TENM4: variants seen among roughly 807,000 people sequenced by gnomAD.
TENM4 encodes teneurin transmembrane protein 4.
A neutral mutation model predicts 243.3 loss-of-function variants in TENM4; 82 were observed. The ratio of observed to expected loss-of-function variants is 0.34; its 90% confidence interval spans 0.28 to 0.40. The LOEUF (loss-of-function observed/expected upper bound fraction) is 0.40. Among genes scored for constraint, TENM4 ranks in the 10% least tolerant of loss-of-function variants. TENM4 has a pLI of 1.00. For missense variants in TENM4, 3,138 were observed against 3,673.3 expected (o/e 0.85, Z 3.77); for synonymous variants, 1,412 against 1,456.3 (o/e 0.97, Z 0.69).
At chr11:78,788,704 A>G (rs1042150995) in intron 15 of TENM4, among the ~76,000 whole-genome samples, 1 of 152,272 alleles carries the variant, frequency 6.6e-6, no homozygotes, top group Non-Finnish European at 1.5e-5. Flanking sequence ...AGGTCAGCAC[A>G]GTGAACTTCA....
intron 1 of TENM4, among the ~76,000 whole-genome samples, chr11:79,405,847 CAAAAA>C (rs763128589): frequency 4.3e-5 from 3 of 69,262 alleles, no homozygotes; most frequent in African/African-American, 1.0e-4. Flanking sequence ...ATTGTGATTT[CAAAAA>C]AAAAAAAAAA....
intron 9 of TENM4, among the ~76,000 whole-genome samples, chr11:78,885,906 C>T (rs1349348894): frequency 3.3e-5 from 5 of 151,394 alleles, no homozygotes; most frequent in Non-Finnish European, 7.4e-5. Flanking sequence ...GCTTGGGTGA[C>T]AGAGTGAGAC....
rs1482567168 is a variant in TENM4 at position 79,064,755 on chromosome 11, T to C, written c.476A>G (p.His159Arg). Reference protein sequence around the residue: ...NSNLTLTDTEHENTETDHPGG... With the variant: ...NSNLTLTDTERENTETDHPGG... ...CCACTCACCAGTCTCAGTGTTTTCATGCTCGGTGTCGGTGAGTGTGAGATT... is the reference window on the plus strand; with the variant it reads ...CCACTCACCAGTCTCAGTGTTTTCACGCTCGGTGTCGGTGAGTGTGAGATT... The change falls in exon 6 of 34, where the codon CAT becomes CGT. Residue 159 changes from histidine to arginine, a missense_variant. Physicochemically the swap from His to Arg is conservative, Grantham distance 29 (BLOSUM62 0). Transcript: ENST00000278550. 2 of 1,551,672 alleles carry C rather than the reference T, an allele frequency of 1.3e-6. No homozygotes were observed. Among genetic ancestry groups the C allele is most frequent in the Admixed American group, 3.9e-5 (2 of 51,006 alleles).
chr11:79,150,736 T>C (rs1640205180), intron 3 of TENM4, among the ~76,000 whole-genome samples: 1 of 152,190 alleles, frequency 6.6e-6, no homozygotes, highest in Admixed American at 6.5e-5. Context: ...TGGTTCTTCT[T>C]TCCCCCCAAG....
In TENM4 at chr11:79,037,496, G is replaced by C. The variant is rs568652350; in HGVS notation, c.493+27242C>G. The stretch of plus-strand genomic sequence containing the variant: ...TGATTGGTTAGTGATCAAATAATGA[G>C]AGCCTAGAAAACAAATTCCTTACAA... On this transcript the variant is annotated intron_variant, in intron 6 of 33. Coordinates refer to ENST00000278550, the MANE Select transcript of TENM4 (RefSeq NM_001098816.3). 2.6e-5 allele frequency among the ~76,000 whole-genome samples: 4 copies of C among 152,294 alleles called. No individual in the cohort carries two copies. In the East Asian group the frequency reaches 5.8e-4, roughly 22 times the overall value.
chr11:79,074,092 CCT>C (rs2137011265), intron 4 of TENM4, among the ~76,000 whole-genome samples: 1 of 152,296 alleles, frequency 6.6e-6, no homozygotes, highest in East Asian at 1.9e-4. Flanking sequence ...GCACAGCTTC[CCT>C]GTCACAAAGC....
intron 6 of TENM4, among the ~76,000 whole-genome samples, chr11:79,007,442 C>T (rs980257213): frequency 2.6e-5 from 4 of 152,116 alleles, no homozygotes; most frequent in Non-Finnish European, 5.9e-5. Flanking sequence ...GGGTGTAGAA[C>T]ACAGGCCTCT....
intron 15 of TENM4, among the ~76,000 whole-genome samples, chr11:78,795,377 T>G (rs1857140720): frequency 6.6e-6 from 1 of 152,186 alleles, no homozygotes; most frequent in Non-Finnish European, 1.5e-5. Flanking sequence ...CACGTAACTG[T>G]TCAAGATTCT....
At position 79,002,925 on chromosome 11, in the gene TENM4, A is replaced by G. The variant is rs116811780; in HGVS notation, c.493+61813T>C. ...AACAGAACAATACAGGAGATGAAAG[A>G]TAAAATGGCCATTTTAAGAAAGAAC... On this transcript the variant is annotated intron_variant, in intron 6 of 33. Coordinates refer to ENST00000278550, the MANE Select transcript of TENM4 (RefSeq NM_001098816.3). 6.7e-3 allele frequency among the ~76,000 whole-genome samples: 1,019 copies of G among 152,330 alleles called. 16 individuals are homozygous for G. The highest frequency in any genetic ancestry group is 0.024 in the African/African-American group (982 of 41,574).
chr11:79,094,658 G>A (rs1861036801), intron 4 of TENM4, among the ~76,000 whole-genome samples: 1 of 152,204 alleles, frequency 6.6e-6, no homozygotes, highest in Admixed American at 6.5e-5. Flanking sequence ...CAGCCTAGGA[G>A]GCTAGGTCAC....
chr11:79,266,223 A>T (rs898016774), intron 2 of TENM4, among the ~76,000 whole-genome samples: 1 of 152,204 alleles, frequency 6.6e-6, no homozygotes, highest in South Asian at 2.1e-4. Context: ...AGATGAATGG[A>T]TAGATCTCAC....
At chr11:79,040,682 G>A (rs1859499864) in intron 6 of TENM4, among the ~76,000 whole-genome samples, 1 of 152,158 alleles carries the variant, frequency 6.6e-6, no homozygotes, top group Non-Finnish European at 1.5e-5. Flanking sequence ...GGAGGATGAT[G>A]CTGCTGCCCC....
chr11:79,338,740 C>T (rs1857193411), intron 1 of TENM4, among the ~76,000 whole-genome samples: 1 of 152,170 alleles, frequency 6.6e-6, no homozygotes, highest in Admixed American at 6.5e-5. Context: ...GCTTGATATT[C>T]CTGAGGCCAA....
intron 1 of TENM4, among the ~76,000 whole-genome samples, chr11:79,405,786 A>G (rs996872936): frequency 2.7e-5 from 4 of 150,462 alleles, no homozygotes; most frequent in Non-Finnish European, 5.9e-5. Flanking sequence ...TGATTTACGC[A>G]TATAAAAATG....
In TENM4 at chr11:78,683,955, GC is replaced by G. The variant is rs200416702; in HGVS notation, c.5260+4098del. On this transcript the variant is annotated intron_variant, in intron 29 of 33. Coordinates refer to ENST00000278550, the MANE Select transcript of TENM4 (RefSeq NM_001098816.3). ...CTTCCTTGGCTGTTTCCTCTGCACTGCCCCCGTCTTCAGTAAGTGCTGGCTT... is the reference window on the plus strand; with the variant it reads ...CTTCCTTGGCTGTTTCCTCTGCACTGCCCCGTCTTCAGTAAGTGCTGGCTT... Among the ~76,000 whole-genome samples, 151 of 152,152 alleles carry G rather than the reference GC, an allele frequency of 9.9e-4. 1 individual carries two copies. In the East Asian group the frequency reaches 0.029, roughly 29 times the overall value.
chr11:79,010,850 C>G (rs1421136543), intron 6 of TENM4, among the ~76,000 whole-genome samples: 1 of 152,122 alleles, frequency 6.6e-6, no homozygotes, highest in Non-Finnish European at 1.5e-5. Context: ...AAGGTCCCAG[C>G]AGAAAGCCCC....
At chr11:79,265,275 C>T (rs138446276) in intron 2 of TENM4, among the ~76,000 whole-genome samples, 6 of 152,212 alleles carry the variant, frequency 3.9e-5, no homozygotes, top group East Asian at 1.9e-4. Context: ...GGGTGGGTCT[C>T]GGACATTCCT....
At chr11:78,920,259 C>T (rs926982731) in intron 6 of TENM4, among the ~76,000 whole-genome samples, 5 of 152,178 alleles carry the variant, frequency 3.3e-5, no homozygotes, top group African/African-American at 1.2e-4. Flanking sequence ...GGCATTGAAT[C>T]AGGCACAGAG....
intron 2 of TENM4, among the ~76,000 whole-genome samples, chr11:79,226,103 C>T (rs1249911117): frequency 6.6e-6 from 1 of 152,138 alleles, no homozygotes; most frequent in Non-Finnish European, 1.5e-5. Context: ...TAGTAACAGT[C>T]AGAATAAAAC....
Sources: allele counts gnomAD v4.1 joint callset (sites outside exome capture counted in the v4.1 genomes callset), GRCh38; gene constraint gnomAD v4.1.1; transcripts MANE v1.5; gene names NCBI Gene and HGNC (gene_info 2026-07-23, HGNC 2026-07-21).